ADAMTS14: variants seen among roughly 807,000 people sequenced by gnomAD.
The protein encoded by ADAMTS14 is ADAM metallopeptidase with thrombospondin type 1 motif 14, also known as A disintegrin and metalloproteinase with thrombospondin motifs 14.
Under a neutral mutation model 128.6 loss-of-function variants are expected in ADAMTS14, and 100 were observed. That is an observed-to-expected ratio of 0.78 (90% CI 0.66 to 0.92). ADAMTS14 has a LOEUF of 0.92. Ranked by LOEUF, ADAMTS14 falls within the 40% of genes least tolerant of loss-of-function variation. The pLI, the probability that ADAMTS14 is intolerant of heterozygous loss-of-function variation, is 0.00. For synonymous variants in ADAMTS14, 665 were observed against 653.8 expected (o/e 1.02, Z -0.26); for missense variants, 1,562 against 1,658.6 (o/e 0.94, Z 1.01).
intron 4 of ADAMTS14, among the ~76,000 whole-genome samples, chr10:70,714,948 AAAAAAAAAAAAAAAAAAAAAAAAAGAAAC>A (rs1476208609): frequency 1.5e-5 from 1 of 67,780 alleles, no homozygotes; most frequent in Non-Finnish European, 3.5e-5. Context: ...TGCAGTCTCA[AAAAAAAAAAAAAAAAAAAAAAAAAGAAAC>A]AAAACCTGGG....
Position 70,672,893 on chromosome 10 carries a change from G to C in ADAMTS14, c.82+9G>C. 6.8e-7 allele frequency: 1 copy of C among 1,465,594 alleles called. No homozygotes were observed. Among genetic ancestry groups the C allele is most frequent in the Non-Finnish European group, 9.0e-7 (1 of 1,116,240 alleles). 90.8% of individuals were successfully genotyped at this position (1,465,594 alleles called of 1,614,324 possible). ...GGGCAGCCGGACCCCAGGTGCGTGC[G>C]GGTTGGGCGCGCGGGGGCCCGTGGG... On this transcript the variant is annotated intron_variant, in intron 1 of 21. Coordinates refer to ENST00000373207, the MANE Select transcript of ADAMTS14 (RefSeq NM_080722.4).
rs58012076 is a variant in ADAMTS14, at chr10:70,714,946, CAAAAAAAAAAA to C, written c.870+6184_870+6194del. On this transcript the variant is annotated intron_variant, in intron 4 of 21. Coordinates refer to ENST00000373207, the MANE Select transcript of ADAMTS14 (RefSeq NM_080722.4). ...GGGCCACAGAGGGAGACTGCAGTCT[CAAAAAAAAAAA>C]AAAAAAAAAAAAAAAGAAACAAAAC... 4.8e-5 allele frequency among the ~76,000 whole-genome samples: 3 copies of C among 63,030 alleles called. No homozygotes were observed. The Admixed American group carries it at 6.0e-4, about 13-fold the overall frequency. The allele number at this position is 63,030 out of a possible 152,430, so 41.4% of individuals were successfully genotyped here.
intron 4 of ADAMTS14, 41 bp downstream of exon 4, chr10:70,708,819 G>GGGGGGGGGGCCCC: frequency 7.5e-7 from 1 of 1,336,818 alleles, no homozygotes; most frequent in Non-Finnish European, 1.0e-6. Flanking sequence ...GGAGTGGGGT[G>GGGGGGGGGGCCCC]GGGTGGGCCC....
chr10:70,722,193 G>T (rs866012216), intron 4 of ADAMTS14, among the ~76,000 whole-genome samples: 2 of 152,166 alleles, frequency 1.3e-5, no homozygotes, highest in East Asian at 3.8e-4. Context: ...ATGTGTCTTG[G>T]GGGTGCTGGG....
chr10:70,744,262 T>G, intron 14 of ADAMTS14, 73 bp downstream of exon 14: 7 of 1,446,960 alleles, frequency 4.8e-6, no homozygotes, highest in Non-Finnish European at 6.4e-6. Context: ...GGGCCCTCCC[T>G]CCTTGAACTG....
rs914521544 is a variant in ADAMTS14, at chr10:70,702,442, A to G, written c.653A>G (p.Glu218Gly). The G allele has an allele frequency of 6.2e-7, 1 of 1,612,118 alleles. No individual in the cohort carries two copies. Among genetic ancestry groups the G allele is most frequent in the Non-Finnish European group, 8.5e-7 (1 of 1,179,062 alleles). ...GAGGCCGTCCAGCAGGAGTGGGCAGAACCTGACGGGGACCTGCACAATGAA... is the reference window on the plus strand; with the variant it reads ...GAGGCCGTCCAGCAGGAGTGGGCAGGACCTGACGGGGACCTGCACAATGAA... The part of the protein sequence containing the change: ...RREAVQQEWA[E>G]PDGDLHNEAF... The change falls in exon 3 of 22, where the codon GAA becomes GGA. Residue 218 changes from glutamate (E) to glycine (G), a missense_variant. Glu to Gly is a moderately conservative substitution (Grantham distance 98). Transcript: ENST00000373207.
intron 10 of ADAMTS14, among the ~76,000 whole-genome samples, chr10:70,737,024 T>C (rs1482744573): frequency 1.3e-5 from 2 of 152,180 alleles, no homozygotes; most frequent in Non-Finnish European, 2.9e-5. Context: ...GTCTCTGTAA[T>C]TGGCTGAGGG....
At chr10:70,715,176 T>C (rs1841000415) in intron 4 of ADAMTS14, among the ~76,000 whole-genome samples, 1 of 152,180 alleles carries the variant, frequency 6.6e-6, no homozygotes, top group South Asian at 2.1e-4. Flanking sequence ...GACAACCTCT[T>C]TTCCCAGATG....
chr10:70,745,030 C>T (rs560846286), intron 14 of ADAMTS14, among the ~76,000 whole-genome samples, 196 bp from the exon 15 acceptor site: 1 of 152,148 alleles, frequency 6.6e-6, no homozygotes, highest in African/African-American at 2.4e-5. Flanking sequence ...GTTTACAGGA[C>T]ATGTCTCATT....
At chr10:70,717,689 G>C (rs1841102800) in intron 4 of ADAMTS14, among the ~76,000 whole-genome samples, 1 of 152,178 alleles carries the variant, frequency 6.6e-6, no homozygotes, top group African/African-American at 2.4e-5. Flanking sequence ...AGCACAGGGA[G>C]GGTGAGAAGA....
chr10:70,734,080 C>T (rs1157676945), intron 8 of ADAMTS14, 52 bp downstream of exon 8: 1 of 1,586,270 alleles, frequency 6.3e-7, no homozygotes, highest in Non-Finnish European at 8.6e-7. Context: ...CGACCTGCCA[C>T]TCTGAGCAGA....
chr10:70,714,409 G>A (rs1279081657), intron 4 of ADAMTS14, among the ~76,000 whole-genome samples: 1 of 152,176 alleles, frequency 6.6e-6, no homozygotes, highest in Non-Finnish European at 1.5e-5. Flanking sequence ...GTGGGGCTGG[G>A]ATCTGAGCAC....
At chr10:70,709,558 T>C (rs998371588) in intron 4 of ADAMTS14, among the ~76,000 whole-genome samples, 30 of 123,748 alleles carry the variant, frequency 2.4e-4, no homozygotes, top group Non-Finnish European at 4.1e-4. Flanking sequence ...CGGAGTGCAA[T>C]GGCACAATCT....
In ADAMTS14 at chr10:70,761,607, C is replaced by T. The variant is rs1180901691; in HGVS notation, c.*754C>T. The T allele has an allele frequency of 6.6e-6, 1 of 152,216 alleles. No homozygotes were observed. Among genetic ancestry groups the T allele is most frequent in the Non-Finnish European group, 1.5e-5 (1 of 68,064 alleles). 9.4% of individuals were successfully genotyped at this position (152,216 alleles called of 1,614,324 possible). ...CACCCCAGCCCACCAGAGAAGGGGG[C>T]TCAGGACACCCTGGACCCCAAGTCC... is the stretch of plus-strand genomic sequence containing the variant. On this transcript the variant is annotated 3_prime_UTR_variant, in exon 22 of 22. Transcript: ENST00000373207.
chr10:70,672,988 G>C (rs927025466), intron 1 of ADAMTS14, 104 bp downstream of exon 1: 145 of 1,328,608 alleles, frequency 1.1e-4, no homozygotes, highest in Non-Finnish European at 1.3e-4. Context: ...CCGCGGGTGG[G>C]AGGCAGTATG....
intron 15 of ADAMTS14, among the ~76,000 whole-genome samples, chr10:70,749,291 G>A (rs1467852710): frequency 6.6e-6 from 1 of 152,168 alleles, no homozygotes; most frequent in African/African-American, 2.4e-5. Context: ...TCATCCTCCT[G>A]GGGCAGCAGC....
At chr10:70,673,889 G>A (rs1043722345) in intron 1 of ADAMTS14, among the ~76,000 whole-genome samples, 2 of 152,170 alleles carry the variant, frequency 1.3e-5, no homozygotes, top group African/African-American at 4.8e-5. Flanking sequence ...CAGCCCAAGT[G>A]GGCAGGTCAC....
chr10:70,741,829 G>A (rs769076144), intron 12 of ADAMTS14, among the ~76,000 whole-genome samples: 16 of 152,248 alleles, frequency 1.1e-4, no homozygotes, highest in African/African-American at 4.8e-5. Context: ...GCTCCATAGC[G>A]GCAGAGCATC....
At chr10:70,725,287 G>A (rs1321264702) in intron 4 of ADAMTS14, among the ~76,000 whole-genome samples, 2 of 152,058 alleles carry the variant, frequency 1.3e-5, no homozygotes, top group African/African-American at 2.4e-5. Context: ...GGCTGAACAG[G>A]TCTCATGCCC....
Sources: allele counts gnomAD v4.1 joint callset (sites outside exome capture counted in the v4.1 genomes callset), GRCh38; gene constraint gnomAD v4.1.1; transcripts MANE v1.5; gene names NCBI Gene and HGNC (gene_info 2026-07-23, HGNC 2026-07-21).